TRAPPC8: variants seen among roughly 807,000 people sequenced by gnomAD.
TRAPPC8 encodes trafficking protein particle complex subunit 8, also known as general sporulation gene 1 homolog.
In TRAPPC8, 54 loss-of-function variants were observed where a neutral mutation model predicts 174.3. That is an observed-to-expected ratio of 0.31 (90% CI 0.25 to 0.39). The LOEUF (loss-of-function observed/expected upper bound fraction) is 0.39. Ranked by LOEUF, TRAPPC8 falls within the 10% of genes least tolerant of loss-of-function variation. TRAPPC8 has a pLI of 1.00. For missense variants in TRAPPC8, 1,531 were observed against 1,699.1 expected (o/e 0.90, Z 1.74); for synonymous variants, 630 against 579.9 (o/e 1.09, Z -1.24).
At chr18:31,854,090 T>A (rs978857474) in intron 21 of TRAPPC8, 145 bp from the exon 22 acceptor site, 1 of 649,406 alleles carries the variant, frequency 1.5e-6, no homozygotes, top group South Asian at 2.0e-5. Flanking sequence ...CAAAAACTTA[T>A]TTAAATCCCT....
At chr18:31,925,644 A>G (rs2037584093) in intron 2 of TRAPPC8, among the ~76,000 whole-genome samples, 1 of 152,198 alleles carries the variant, frequency 6.6e-6, no homozygotes, top group Non-Finnish European at 1.5e-5. Context: ...CCAGACTGTC[A>G]AAAGAAGCTA....
chr18:31,913,347 T>A, intron 5 of TRAPPC8, 22 bp downstream of exon 5: 2 of 1,550,802 alleles, frequency 1.3e-6, no homozygotes, highest in Non-Finnish European at 1.7e-6. Context: ...TGTGGTTTGC[T>A]TCATTTATTT....
intron 2 of TRAPPC8, among the ~76,000 whole-genome samples, chr18:31,923,893 T>C (rs929317121): frequency 6.6e-6 from 1 of 152,184 alleles, no homozygotes; most frequent in African/African-American, 2.4e-5. Flanking sequence ...ATGCCTGTAA[T>C]CCCAGCACTT....
rs2032228523 is a variant in TRAPPC8, at chr18:31,829,220, T to C, written c.*1535A>G. On this transcript the variant is annotated 3_prime_UTR_variant, in exon 29 of 29. Coordinates refer to ENST00000283351, the MANE Select transcript of TRAPPC8 (RefSeq NM_014939.5). ...AATTTTGAGTGCTTTATTACCTTTA[T>C]TTTTAATATATTCAGTTGTAGGTTT... 1 of 152,234 alleles carries C rather than the reference T, an allele frequency of 6.6e-6. No homozygotes were observed. Among genetic ancestry groups the C allele is most frequent in the South Asian group, 2.1e-4 (1 of 4,830 alleles). The allele number at this position is 152,234 out of a possible 1,614,324, so 9.4% of individuals were successfully genotyped here.
chr18:31,932,756 T>A (rs961417544), intron 1 of TRAPPC8, among the ~76,000 whole-genome samples: 1 of 149,794 alleles, frequency 6.7e-6, no homozygotes, highest in African/African-American at 2.5e-5. Context: ...TAGAGGTGGG[T>A]GGATCACCTG....
At chr18:31,886,644 C>T (rs1225965244) in intron 12 of TRAPPC8, among the ~76,000 whole-genome samples, 2 of 152,124 alleles carry the variant, frequency 1.3e-5, no homozygotes, top group Non-Finnish European at 2.9e-5. Context: ...TTAAAATGCA[C>T]TTTACTTTCT....
intron 12 of TRAPPC8, among the ~76,000 whole-genome samples, chr18:31,881,368 T>C (rs1369679859): frequency 1.3e-5 from 2 of 151,836 alleles, no homozygotes; most frequent in Non-Finnish European, 1.5e-5. Flanking sequence ...TTTAACAAAG[T>C]CTACAAAACT....
In TRAPPC8 at chr18:31,852,510, A is replaced by G; in HGVS notation, c.3503-6T>C. On this transcript the variant is annotated splice_region_variant and splice_polypyrimidine_tract_variant and intron_variant, in intron 23 of 28. Transcript: ENST00000283351. Reference sequence around the variant, plus strand: ...TTCAGAGGACTGTGTGGCCGCTAAAAAACAGGGGAAAACAAACTAATCATA... The same window carrying G: ...TTCAGAGGACTGTGTGGCCGCTAAAGAACAGGGGAAAACAAACTAATCATA... The G allele has an allele frequency of 1.2e-6, 2 of 1,614,198 alleles. No homozygotes were observed. Among genetic ancestry groups the G allele is most frequent in the African/African-American group, 1.3e-5 (1 of 75,060 alleles).
chr18:31,925,475 CAGAGAT>C (rs2037574931), intron 2 of TRAPPC8, among the ~76,000 whole-genome samples: 1 of 151,832 alleles, frequency 6.6e-6, no homozygotes, highest in Admixed American at 6.6e-5. Flanking sequence ...AATAAAAAGA[CAGAGAT>C]AGACAATTTT....
chr18:31,878,809 A>G (rs1008163062), intron 12 of TRAPPC8, among the ~76,000 whole-genome samples: 6 of 152,214 alleles, frequency 3.9e-5, no homozygotes, highest in Non-Finnish European at 4.4e-5. Context: ...AAAACAAAAA[A>G]GAGCAGGGGT....
chr18:31,916,322 T>A lies in TRAPPC8; in HGVS notation c.567A>T (p.Thr189=), dbSNP rs752711202. 5.0e-6 allele frequency: 8 copies of A among 1,611,596 alleles called. No individual in the cohort carries two copies. Among genetic ancestry groups the A allele is most frequent in the Admixed American group, 1.7e-5 (1 of 59,588 alleles). ...CATGTAAAAGTACATAGTATTTAAGTGTATTTGGTATAAACCACTTGGGGT... is the reference window on the plus strand; with the variant it reads ...CATGTAAAAGTACATAGTATTTAAGAGTATTTGGTATAAACCACTTGGGGT... The part of the protein sequence containing the change: ...YSYPKWFIPN[T]LKYYVLLHDV... Residue 189 remains threonine, a synonymous_variant, in exon 4 of 29, where the codon ACA becomes ACT. Transcript: ENST00000283351.
intron 11 of TRAPPC8, among the ~76,000 whole-genome samples, chr18:31,893,643 T>G (rs1439835148): frequency 6.6e-6 from 1 of 152,182 alleles, no homozygotes. Context: ...TTCTTATCAC[T>G]GTATAGAGTT....
At chr18:31,848,971 A>G (rs2033558282) in intron 25 of TRAPPC8, among the ~76,000 whole-genome samples, 1 of 152,148 alleles carries the variant, frequency 6.6e-6, no homozygotes, top group Non-Finnish European at 1.5e-5. Context: ...GTAAAATAGT[A>G]TATTTAAATA....
At chr18:31,876,596 G>A (rs2035166486) in intron 12 of TRAPPC8, among the ~76,000 whole-genome samples, 1 of 151,050 alleles carries the variant, frequency 6.6e-6, no homozygotes, top group Non-Finnish European at 1.5e-5. Context: ...ACAGAAAACT[G>A]AGAAAAGACA....
intron 12 of TRAPPC8, among the ~76,000 whole-genome samples, chr18:31,878,183 C>T (rs768733516): frequency 3.3e-5 from 5 of 152,042 alleles, no homozygotes; most frequent in South Asian, 4.1e-4. Context: ...CTGACCGGGG[C>T]GTGATAAGGA....
intron 1 of TRAPPC8, among the ~76,000 whole-genome samples, chr18:31,934,263 G>T (rs2037982849): frequency 6.6e-6 from 1 of 151,684 alleles, no homozygotes; most frequent in African/African-American, 2.4e-5. Context: ...CTAAGATAAG[G>T]TAGAAAGAAA....
chr18:31,942,725 C>A lies in TRAPPC8; in HGVS notation c.40G>T (p.Asp14Tyr). 1 of 1,605,304 alleles carries A rather than the reference C, an allele frequency of 6.2e-7. No homozygotes were observed. Among genetic ancestry groups the A allele is most frequent in the Non-Finnish European group, 8.5e-7 (1 of 1,176,266 alleles). ...GCAGCGACACAGGGGACGAAGGAGT[C>A]CGGGATTAGCTCCTGCACTGATTGT... ...CVQSVQELIPDSFVPCVAALC... is the reference protein window; with the variant it reads ...CVQSVQELIPYSFVPCVAALC... Residue 14 changes from aspartate to tyrosine, a missense_variant, in exon 1 of 29, where the codon GAC becomes TAC. By Grantham distance (160) the Asp-to-Tyr change is radical. Transcript: ENST00000283351.
chr18:31,915,931 C>T (rs546050182), intron 4 of TRAPPC8, among the ~76,000 whole-genome samples: 2 of 148,976 alleles, frequency 1.3e-5, no homozygotes, highest in South Asian at 4.2e-4. Context: ...GTGGCGGGCA[C>T]CTGTAATTCC....
At chr18:31,852,786 T>A in intron 22 of TRAPPC8, 123 bp from the exon 23 acceptor site, 1 of 810,562 alleles carries the variant, frequency 1.2e-6, no homozygotes, top group Non-Finnish European at 2.0e-6. Context: ...TAATGTTTAA[T>A]GAAGAACATC....
Sources: allele counts gnomAD v4.1 joint callset (sites outside exome capture counted in the v4.1 genomes callset), GRCh38; gene constraint gnomAD v4.1.1; transcripts MANE v1.5; gene names NCBI Gene and HGNC (gene_info 2026-07-23, HGNC 2026-07-21).